The following PALM2AKAP2 variants were observed in gnomAD, a reference collection of about 807,000 sequenced individuals.
PALM2AKAP2 encodes PALM2-AKAP2 fusion protein.
PALM2AKAP2 carries 37 observed loss-of-function variants against 71.5 expected under a neutral mutation model. The observed-to-expected ratio is 0.52, with a 90% confidence interval of 0.40 to 0.68. The LOEUF (loss-of-function observed/expected upper bound fraction) is 0.68, where lower values mean the gene tolerates loss of function less well. PALM2AKAP2 is among the 30% of genes least tolerant of loss of function. The pLI, the probability that PALM2AKAP2 is intolerant of heterozygous loss-of-function variation, is 0.00. For missense variants in PALM2AKAP2, 1,224 were observed against 1,191.8 expected (o/e 1.03, Z -0.40); for synonymous variants, 468 against 478.8 (o/e 0.98, Z 0.29).
chr9:110,122,387 T>A (rs937908332), intron 1 of PALM2AKAP2, among the ~76,000 whole-genome samples: 1 of 152,198 alleles, frequency 6.6e-6, no homozygotes, highest in Non-Finnish European at 1.5e-5. Flanking sequence ...GTCTGCTCCT[T>A]CCTGAGCTGC....
intron 5 of PALM2AKAP2, among the ~76,000 whole-genome samples, chr9:109,931,425 AT>A (rs1403319819): frequency 6.6e-6 from 1 of 152,238 alleles, no homozygotes; most frequent in Non-Finnish European, 1.5e-5. Context: ...TGCATATAAA[AT>A]TGGTCTTTTG....
In PALM2AKAP2 at chr9:109,944,608, A is replaced by G. The variant is rs10980119; in HGVS notation, c.496+12580A>G. On this transcript the variant is annotated intron_variant, in intron 6 of 9. Coordinates refer to the PALM2AKAP2 transcript ENST00000302798. ...AACTTTTAAAAATTAAGAAAGACCT[A>G]TCTTCTCAATGTTAAGCACTTAATT... 46 of 152,258 alleles carry G rather than the reference A, an allele frequency of 3.0e-4. 1 individual carries two copies. The East Asian group carries it at 8.5e-3, about 28-fold the overall frequency. 9.4% of individuals were successfully genotyped at this position (152,258 alleles called of 1,614,324 possible).
At chr9:109,790,794 T>C (rs1827093970) in intron 1 of PALM2AKAP2, among the ~76,000 whole-genome samples, 1 of 152,206 alleles carries the variant, frequency 6.6e-6, no homozygotes, top group South Asian at 2.1e-4. Context: ...TTTGAAAATG[T>C]CCTTGCTCCA....
intron 1 of PALM2AKAP2, among the ~76,000 whole-genome samples, chr9:109,795,860 G>A (rs1827238851): frequency 6.6e-6 from 1 of 152,190 alleles, no homozygotes; most frequent in South Asian, 2.1e-4. Context: ...TTTGAGGAAA[G>A]GGCACCTTTT....
At chr9:109,742,251 TCA>T (rs72323941) in intron 1 of PALM2AKAP2, among the ~76,000 whole-genome samples, 13,909 of 144,684 alleles carry the variant, frequency 0.096, 745 homozygotes, top group Non-Finnish European at 0.13. Flanking sequence ...TGTGATGTAT[TCA>T]CACACACACA....
rs756751023 is a variant in PALM2AKAP2 at position 110,138,211 on chromosome 9, G to C, written c.2241G>C (p.Gln747His). ...CGCTCAGGGAAAGGGGGCCCCCCCA[G>C]CCACTGCCAGCTGTGCAGCCCAGTG... The change falls in exon 2 of 4, where the codon CAG becomes CAC. Residue 747 changes from glutamine (Q) to histidine (H), a missense_variant. Coordinates refer to ENST00000374525, the Ensembl canonical transcript of PALM2AKAP2. The C allele has an allele frequency of 1.9e-6, 3 of 1,614,070 alleles. No individual in the cohort carries two copies. The South Asian group carries it at 3.3e-5, about 18-fold the overall frequency.
chr9:110,035,101 GAAAATCT>G (rs1833357138), intron 7 of PALM2AKAP2, among the ~76,000 whole-genome samples: 1 of 150,406 alleles, frequency 6.6e-6, no homozygotes, highest in Admixed American at 6.7e-5. Flanking sequence ...CAACTTACGG[GAAAATCT>G]AGTATGTTTA....
At chr9:109,801,989 A>G (rs1369395201) in intron 1 of PALM2AKAP2, among the ~76,000 whole-genome samples, 2 of 152,182 alleles carry the variant, frequency 1.3e-5, no homozygotes, top group Admixed American at 6.5e-5. Flanking sequence ...TTTATGACTG[A>G]CCAGCTGGAC....
At chr9:109,895,310 G>A (rs1487817720) in intron 3 of PALM2AKAP2, among the ~76,000 whole-genome samples, 1 of 152,234 alleles carries the variant, frequency 6.6e-6, no homozygotes, top group Non-Finnish European at 1.5e-5. Context: ...GGGCTGCTCT[G>A]TTAAGCAAAG....
intron 1 of PALM2AKAP2, among the ~76,000 whole-genome samples, chr9:109,756,268 T>A (rs1278984304): frequency 6.6e-6 from 1 of 152,134 alleles, no homozygotes; most frequent in Non-Finnish European, 1.5e-5. Context: ...ACATTTTGTG[T>A]TTCTTTGGAT....
chr9:110,094,604 G>A (rs10980193), intron 1 of PALM2AKAP2, among the ~76,000 whole-genome samples: 30,792 of 146,368 alleles, frequency 0.21, 4,370 homozygotes, highest in African/African-American at 0.41. Context: ...GAGTGGGGAG[G>A]TGCTACATAC....
chr9:109,993,065 A>T (rs1380909896), intron 6 of PALM2AKAP2, among the ~76,000 whole-genome samples: 1 of 151,046 alleles, frequency 6.6e-6, no homozygotes, highest in African/African-American at 2.4e-5. Flanking sequence ...CCCTCCTTTT[A>T]ATTCTTAAAG....
At chr9:109,645,416 G>T (rs1827136619) in intron 1 of PALM2AKAP2, among the ~76,000 whole-genome samples, 2 of 152,108 alleles carry the variant, frequency 1.3e-5, no homozygotes, top group Admixed American at 6.5e-5. Context: ...GACGAGATTT[G>T]GGTGGGGACA....
intron 7 of PALM2AKAP2, among the ~76,000 whole-genome samples, chr9:110,032,591 T>C (rs1325640381): frequency 6.6e-6 from 1 of 151,890 alleles, no homozygotes; most frequent in Non-Finnish European, 1.5e-5. Context: ...CTCGGGAGGC[T>C]GAGGCAGAAG....
rs532082031 is a variant in PALM2AKAP2 at position 110,025,220 on chromosome 9, T to C, written c.582+9181T>C. The stretch of plus-strand genomic sequence containing the variant: ...TTGTGGGGCATTCCTTTTTGAACAG[T>C]ACCCATTCCCTTGATGTCTACAATA... On this transcript the variant is annotated intron_variant, in intron 7 of 9. Transcript: ENST00000302798. The C allele has an allele frequency of 6.2e-5, 75 of 1,204,748 alleles. No individual in the cohort carries two copies. In the African/African-American group the frequency reaches 1.0e-3, roughly 17 times the overall value. The allele number at this position is 1,204,748 out of a possible 1,614,324, so 74.6% of individuals were successfully genotyped here. A position where few individuals can be genotyped will look rare whatever the true frequency, so the allele number is the denominator to read the frequency against.
chr9:109,657,732 T>A (rs1827327374), intron 1 of PALM2AKAP2, among the ~76,000 whole-genome samples: 2 of 151,946 alleles, frequency 1.3e-5, no homozygotes, highest in African/African-American at 4.8e-5. Context: ...GATAGTTGGG[T>A]GTTTGCTGAT....
At chr9:109,900,069 A>G (rs1830295039) in intron 3 of PALM2AKAP2, among the ~76,000 whole-genome samples, 1 of 152,226 alleles carries the variant, frequency 6.6e-6, no homozygotes, top group Non-Finnish European at 1.5e-5. Flanking sequence ...AACAATGACA[A>G]AAGTGCAGAT....
chr9:109,676,360 A>G (rs1054170252), intron 1 of PALM2AKAP2, among the ~76,000 whole-genome samples: 1 of 152,200 alleles, frequency 6.6e-6, no homozygotes, highest in Non-Finnish European at 1.5e-5. Context: ...AGGACGAGGA[A>G]AAGAGAGTAG....
upstream of PALM2AKAP2, among the ~76,000 whole-genome samples, chr9:109,777,202 C>T (rs910006829): frequency 2.0e-4 from 31 of 152,232 alleles, no homozygotes; most frequent in African/African-American, 7.0e-4. Context: ...CTTAACCTCT[C>T]TCCTGAGAGT....
Sources: allele counts gnomAD v4.1 joint callset (sites outside exome capture counted in the v4.1 genomes callset), GRCh38; gene constraint gnomAD v4.1.1; transcripts MANE v1.5; gene names NCBI Gene and HGNC (gene_info 2026-07-23, HGNC 2026-07-21).